PCDHGC5: variants seen among roughly 807,000 people sequenced by gnomAD.
The protein encoded by PCDHGC5 is protocadherin gamma subfamily C, 5.
Under a neutral mutation model 59.0 loss-of-function variants are expected in PCDHGC5, and 25 were observed. That is an observed-to-expected ratio of 0.42 (90% CI 0.31 to 0.59). The LOEUF is 0.59. Ranked by LOEUF, PCDHGC5 falls within the 20% of genes least tolerant of loss-of-function variation. PCDHGC5 has a pLI of 0.13. For synonymous variants in PCDHGC5, 434 were observed against 505.5 expected, an observed-to-expected ratio of 0.86 and a Z score of 1.90; for missense variants, 1,067 against 1,206.4, an observed-to-expected ratio of 0.88 and a Z score of 1.71.
rs2154586748 is a variant in PCDHGC5 at position 141,491,733 on chromosome 5, T to A, written c.2460+33T>A. The A allele has an allele frequency of 6.2e-7, 1 of 1,602,698 alleles. No individual in the cohort carries two copies. Among genetic ancestry groups the A allele is most frequent in the Non-Finnish European group, 8.5e-7 (1 of 1,175,258 alleles). On this transcript the variant is annotated intron_variant, in intron 1 of 3. Transcript: ENST00000252087. The surrounding 1 kb of genome is among the most constrained non-coding windows in gnomAD (Gnocchi z 6.9). ...GCTCGGCGCCGCCCCGGGCGACCCC[T>A]GGGGGCGGCACTGGAGAAGCCGCCC...
chr5:141,500,043 T>A (rs1240979831), intron 2 of PCDHGC5, among the ~76,000 whole-genome samples: 1 of 152,048 alleles, frequency 6.6e-6, no homozygotes, highest in East Asian at 1.9e-4. Flanking sequence ...CTCTTAAGTA[T>A]CTTAATGCTC....
intron 3 of PCDHGC5, 111 bp from the exon 4 acceptor site, chr5:141,510,836 G>C: frequency 6.3e-7 from 1 of 1,584,882 alleles, no homozygotes; most frequent in African/African-American, 1.3e-5. Flanking sequence ...TGCTCAGCGT[G>C]GTCAAGGCCC....
intron 2 of PCDHGC5, among the ~76,000 whole-genome samples, chr5:141,503,091 G>A (rs2099818095): frequency 6.6e-6 from 1 of 151,808 alleles, no homozygotes; most frequent in African/African-American, 2.4e-5. Flanking sequence ...CTGACCTCGT[G>A]GTCTGCCCGC....
chr5:141,496,943 T>C (rs1023861484), intron 2 of PCDHGC5, among the ~76,000 whole-genome samples: 2 of 151,258 alleles, frequency 1.3e-5, no homozygotes, highest in African/African-American at 2.4e-5. Flanking sequence ...CCCAGCACTT[T>C]GGGAGGCCAA....
chr5:141,511,823 GC>G lies in PCDHGC5; in HGVS notation c.*653del, dbSNP rs2099883963. On this transcript the variant is annotated 3_prime_UTR_variant, in exon 4 of 4. Coordinates refer to ENST00000252087, the MANE Select transcript of PCDHGC5 (RefSeq NM_018929.3). The stretch of plus-strand genomic sequence containing the variant: ...TTTTGCTACCAAGCCTCTTCCCAAC[GC>G]CCTGGGGACCAGTCTTCTGTTTTGT... The G allele has an allele frequency of 6.4e-6, 1 of 156,728 alleles. No individual in the cohort carries two copies. The highest frequency in any genetic ancestry group is 1.9e-4 in the South Asian group (1 of 5,164). 9.7% of individuals were successfully genotyped at this position (156,728 alleles called of 1,614,324 possible).
At position 141,511,622 on chromosome 5, in the gene PCDHGC5, A is replaced by G; in HGVS notation, c.*449A>G. 4.3e-6 allele frequency: 1 copy of G among 232,852 alleles called. No individual in the cohort carries two copies. The highest frequency in any genetic ancestry group is 8.7e-6 in the Non-Finnish European group (1 of 114,994). The allele number at this position is 232,852 out of a possible 1,614,324, so 14.4% of individuals were successfully genotyped here. A position where few individuals can be genotyped will look rare whatever the true frequency, so the allele number is the denominator to read the frequency against. On this transcript the variant is annotated 3_prime_UTR_variant, in exon 4 of 4. Transcript: ENST00000252087. ...AACCTACAAGCCTCCTAGTTCTGAA[A>G]AGTTGGAAGGGCATCATGACCTCTT...
Position 141,493,359 on chromosome 5 carries a change from G to A in PCDHGC5, c.2461-1448G>A, listed in dbSNP as rs956980110. Among the ~76,000 whole-genome samples the A allele has an allele frequency of 2.6e-5, 4 of 152,148 alleles. No homozygotes were observed. The highest frequency in any genetic ancestry group is 9.7e-5 in the African/African-American group (4 of 41,418). ...CCAGAATGTGTGCTTTTAATTTCTT[G>A]GCACTTGGAACTTTAAAAGCTTGAG... On this transcript the variant is annotated intron_variant, in intron 1 of 3. Transcript: ENST00000252087. This position sits in a 1 kb window ranked among gnomAD's most constrained non-coding sequence, Gnocchi z 4.3.
chr5:141,496,888 T>TAAA (rs35063790), intron 2 of PCDHGC5, among the ~76,000 whole-genome samples: 5 of 134,118 alleles, frequency 3.7e-5, no homozygotes, highest in East Asian at 4.4e-4. Context: ...AAGTAACACT[T>TAAA]AAAAAAAAAA....
intron 1 of PCDHGC5, among the ~76,000 whole-genome samples, chr5:141,492,949 A>G (rs1470301496): frequency 6.6e-6 from 1 of 152,226 alleles, no homozygotes; most frequent in African/African-American, 2.4e-5. Flanking sequence ...GGAGGTGACC[A>G]AACTATCTGA....
Position 141,490,672 on chromosome 5 carries a change from G to T in PCDHGC5, c.1432G>T (p.Ala478Ser). The T allele has an allele frequency of 6.2e-7, 1 of 1,614,114 alleles. No homozygotes were observed. Among genetic ancestry groups the T allele is most frequent in the Non-Finnish European group, 8.5e-7 (1 of 1,179,996 alleles). ...PPGSLLCTVAASDPDTGDNAR... is the reference protein window; with the variant it reads ...PPGSLLCTVASSDPDTGDNAR... ...GGGCTCCCTTCTTTGCACTGTGGCT[G>T]CCTCAGATCCAGACACTGGGGATAA... Residue 478 changes from alanine to serine, a missense_variant, in exon 1 of 4, where the codon GCC becomes TCC. By Grantham distance (99) the Ala-to-Ser change is moderately conservative. Coordinates refer to ENST00000252087, the MANE Select transcript of PCDHGC5 (RefSeq NM_018929.3). The surrounding 1 kb of genome is among the most constrained non-coding windows in gnomAD (Gnocchi z 5.4).
Position 141,510,960 on chromosome 5 carries a change from G to T in PCDHGC5, c.2622G>T (p.Gly874=). The T allele has an allele frequency of 6.2e-7, 1 of 1,614,120 alleles. No individual in the cohort carries two copies. The highest frequency in any genetic ancestry group is 1.3e-5 in the African/African-American group (1 of 75,022). ...ILASASEAAD[G]SSTLGGGAGT... is the part of the protein sequence containing the mutation. ...CTGTCTCTGCAGAAGCTGCTGATGG[G>T]AGCTCCACCCTGGGAGGGGGTGCCG... Residue 874 remains glycine, a synonymous_variant, in exon 4 of 4, where the codon GGG becomes GGT. Transcript: ENST00000252087.
In PCDHGC5 at chr5:141,493,269, C is replaced by T. The variant is rs142898207; in HGVS notation, c.2461-1538C>T. ...ACATGCCTCTCTTATAACAGCTTCA[C>T]AGAGGTCAAGTGACTTGCTCAAGTT... is the stretch of plus-strand genomic sequence containing the variant. On this transcript the variant is annotated intron_variant, in intron 1 of 3. Coordinates refer to ENST00000252087, the MANE Select transcript of PCDHGC5 (RefSeq NM_018929.3). This position sits in a 1 kb window ranked among gnomAD's most constrained non-coding sequence, Gnocchi z 4.3. Among the ~76,000 whole-genome samples the T allele has an allele frequency of 1.3e-5, 2 of 152,322 alleles. No individual in the cohort carries two copies. The highest frequency in any genetic ancestry group is 4.8e-5 in the African/African-American group (2 of 41,570).
Position 141,491,883 on chromosome 5 carries a change from G to T in PCDHGC5, c.2460+183G>T. On this transcript the variant is annotated intron_variant, in intron 1 of 3. Transcript: ENST00000252087. The surrounding 1 kb of genome is among the most constrained non-coding windows in gnomAD (Gnocchi z 6.9). The stretch of plus-strand genomic sequence containing the variant: ...AAACCAGAGTGGCCGATTAAGGGAT[G>T]GGGCTCCGAGCACCGGGGGTGGTGG... 1 of 1,446,756 alleles carries T rather than the reference G, an allele frequency of 6.9e-7. No individual in the cohort carries two copies. Among genetic ancestry groups the T allele is most frequent in the South Asian group, 1.5e-5 (1 of 67,644 alleles). 89.6% of individuals were successfully genotyped at this position (1,446,756 alleles called of 1,614,324 possible). A position where few individuals can be genotyped will look rare whatever the true frequency, so the allele number is the denominator to read the frequency against.
intron 2 of PCDHGC5, among the ~76,000 whole-genome samples, chr5:141,501,110 G>A (rs1373404247): frequency 2.6e-5 from 4 of 151,908 alleles, no homozygotes; most frequent in Admixed American, 6.6e-5. Flanking sequence ...CTCGTGATCC[G>A]CCTGCCTCAG....
rs775204388 is a variant in PCDHGC5, at chr5:141,490,235, G to T, written c.995G>T (p.Gly332Val). The change falls in exon 1 of 4, where the codon GGC becomes GTC. Residue 332 changes from glycine to valine, a missense_variant. Transcript: ENST00000252087. This position sits in a 1 kb window ranked among gnomAD's most constrained non-coding sequence, Gnocchi z 5.4. ...GACCAGGGACAGCCTGCCATGGAGG[G>T]CCACTGTGTGATTCAAGTGGATGTG... ...ARDQGQPAME[G>V]HCVIQVDVGD... 1 of 1,614,228 alleles carries T rather than the reference G, an allele frequency of 6.2e-7. No homozygotes were observed. The highest frequency in any genetic ancestry group is 1.1e-5 in the South Asian group (1 of 91,084).
rs564439931 is a variant in PCDHGC5 at position 141,490,480 on chromosome 5, C to T, written c.1240C>T (p.Arg414Trp). Residue 414 changes from arginine (R) to tryptophan (W), a missense_variant, in exon 1 of 4, where the codon CGG becomes TGG. By Grantham distance (101) the Arg-to-Trp change is moderately radical (BLOSUM62 -3). Coordinates refer to ENST00000252087, the MANE Select transcript of PCDHGC5 (RefSeq NM_018929.3). The surrounding 1 kb of genome is among the most constrained non-coding windows in gnomAD (Gnocchi z 5.4). ...YSLLTSQPLD[R>W]EATSHYIIEL... is the part of the protein sequence containing the mutation. ...GCTGCTAACCAGCCAGCCTTTGGAC[C>T]GGGAGGCCACATCCCACTATATCAT... The T allele has an allele frequency of 3.5e-5, 56 of 1,614,194 alleles. No individual in the cohort carries two copies. Among genetic ancestry groups the T allele is most frequent in the Admixed American group, 1.5e-4 (9 of 60,022 alleles).
Position 141,491,648 on chromosome 5 carries a change from T to A in PCDHGC5, c.2408T>A (p.Leu803Gln). 6.2e-7 allele frequency: 1 copy of A among 1,613,834 alleles called. No individual in the cohort carries two copies. Among genetic ancestry groups the A allele is most frequent in the Non-Finnish European group, 8.5e-7 (1 of 1,180,002 alleles). ...GTTCAGCAGCCCACAGCTCTGGCGC[T>A]GGAGCCTGACGCCATCCGGTCCCGC... ...LSVQQPTALA[L>Q]EPDAIRSRSN... The change falls in exon 1 of 4, where the codon CTG (leucine) becomes CAG (glutamine). Residue 803 changes from leucine to glutamine, a missense_variant. Transcript: ENST00000252087. This position sits in a 1 kb window ranked among gnomAD's most constrained non-coding sequence, Gnocchi z 6.9.
rs1221295650 is a variant in PCDHGC5 at position 141,489,576 on chromosome 5, C to A, written c.336C>A (p.His112Gln). 3 of 1,613,936 alleles carry A rather than the reference C, an allele frequency of 1.9e-6. No individual in the cohort carries two copies. Among genetic ancestry groups the A allele is most frequent in the Non-Finnish European group, 2.5e-6 (3 of 1,179,984 alleles). ...TGCCAGTGCAGGTGGTGACTGAACA[C>A]CCCCTGGAGCTAATCCGTGTAGAGG... The part of the protein sequence containing the change: ...CLLPVQVVTE[H>Q]PLELIRVEVE... The change falls in exon 1 of 4, where the codon CAC (histidine) becomes CAA (glutamine). Residue 112 changes from histidine to glutamine, a missense_variant. His to Gln is a conservative substitution (Grantham distance 24, BLOSUM62 0). Transcript: ENST00000252087. This position sits in a 1 kb window ranked among gnomAD's most constrained non-coding sequence, Gnocchi z 4.5.
At chr5:141,494,161 T>G (rs1420295862) in intron 1 of PCDHGC5, among the ~76,000 whole-genome samples, 3 of 152,052 alleles carry the variant, frequency 2.0e-5, no homozygotes, top group African/African-American at 7.3e-5. Flanking sequence ...TGGCACGGAG[T>G]TCTAGGGGTG....
Sources: gnomAD v4.1 joint callset for allele counts (sites outside exome capture counted in the v4.1 genomes callset) on GRCh38, gnomAD v4.1.1 for gene constraint, Gnocchi (gnomAD v3.1) non-coding constraint, MANE v1.5 for transcripts, NCBI Gene and HGNC (gene_info 2026-07-23, HGNC 2026-07-21) for gene names.